Variants in FLNB observed in about 807,000 individuals in gnomAD.
FLNB encodes the protein filamin-B.
A neutral mutation model predicts 250.6 loss-of-function variants in FLNB; 111 were observed. The ratio of observed to expected loss-of-function variants is 0.44; its 90% CI spans 0.38 to 0.52. The LOEUF (loss-of-function observed/expected upper bound fraction) is 0.52, where lower values mean the gene tolerates loss of function less well. Among genes scored for constraint, FLNB ranks in the 20% least tolerant of loss-of-function variants. The pLI is 0.00. For synonymous variants in FLNB, 1,302 were observed against 1,372.1 expected (o/e 0.95, Z 1.13); for missense variants, 2,869 against 3,447.8 (o/e 0.83, Z 4.20).
At chr3:58,048,530 C>T (rs1298373520) in intron 1 of FLNB, among the ~76,000 whole-genome samples, 4 of 152,236 alleles carry the variant, frequency 2.6e-5, no homozygotes, top group African/African-American at 9.6e-5. Flanking sequence ...CACTGCCTCA[C>T]AGCACAGGCT....
At position 58,113,740 on chromosome 3, in the gene FLNB, A is replaced by G. The variant is rs991094933; in HGVS notation, c.2745+1422A>G. On this transcript the variant is annotated intron_variant, in intron 18 of 45. Coordinates refer to ENST00000295956, the MANE Select transcript of FLNB (RefSeq NM_001457.4). Reference sequence around the variant, plus strand: ...GTTGCCCAAGCTGGAGTGCAGTGGCATGATCTCAGCTCACTGCAACCTCTG... The same window carrying G: ...GTTGCCCAAGCTGGAGTGCAGTGGCGTGATCTCAGCTCACTGCAACCTCTG... Among the ~76,000 whole-genome samples the G allele has an allele frequency of 1.3e-5, 2 of 152,158 alleles. 1 individual carries two copies. Among genetic ancestry groups the G allele is most frequent in the Admixed American group, 1.3e-4 (2 of 15,282 alleles).
At chr3:58,063,465 C>G (rs1386449615) in intron 1 of FLNB, among the ~76,000 whole-genome samples, 1 of 152,090 alleles carries the variant, frequency 6.6e-6, no homozygotes, top group Non-Finnish European at 1.5e-5. Flanking sequence ...AAAGTTGAGC[C>G]GTCAGCTGAG....
At chr3:58,013,155 G>A (rs912194967) in intron 1 of FLNB, among the ~76,000 whole-genome samples, 7 of 152,218 alleles carry the variant, frequency 4.6e-5, no homozygotes, top group African/African-American at 9.7e-5. Flanking sequence ...GGGCAGTCCA[G>A]CCAGCTGGGA....
intron 27 of FLNB, 96 bp downstream of exon 27, chr3:58,134,868 T>G: frequency 8.8e-7 from 1 of 1,131,520 alleles, no homozygotes; most frequent in Admixed American, 1.9e-5. Context: ...GATTTCTGAC[T>G]CAATGCAAGT....
At chr3:58,139,063 G>A (rs896759422) in intron 29 of FLNB, among the ~76,000 whole-genome samples, 1 of 152,106 alleles carries the variant, frequency 6.6e-6, no homozygotes, top group South Asian at 2.1e-4. Context: ...AGGAACATCT[G>A]GAATAAAAGG....
intron 6 of FLNB, among the ~76,000 whole-genome samples, chr3:58,097,016 G>A (rs566441683): frequency 5.3e-5 from 8 of 152,242 alleles, no homozygotes; most frequent in Admixed American, 3.3e-4. Flanking sequence ...ACATCCAGGT[G>A]ACCTATAGGG....
chr3:58,118,163 C>A (rs1465038756), intron 18 of FLNB, among the ~76,000 whole-genome samples: 1 of 152,218 alleles, frequency 6.6e-6, no homozygotes, highest in East Asian at 1.9e-4. Context: ...TGCCACCCGG[C>A]CACCCGTGAG....
rs749828787 is a variant in FLNB, at chr3:58,149,902, G to A, written c.6144G>A (p.Gln2048=). The A allele has an allele frequency of 6.2e-7, 1 of 1,614,268 alleles. No homozygotes were observed. The highest frequency in any genetic ancestry group is 1.7e-5 in the Admixed American group (1 of 60,038). The stretch of plus-strand genomic sequence containing the variant: ...AAGGCCCCAGCAAAGTGGACATCCA[G>A]ACGGAGGACCTGGAAGATGGCACCT... ...AVEGPSKVDI[Q]TEDLEDGTCK... Residue 2048 remains glutamine (Q), a synonymous_variant, in exon 37 of 46, where the codon CAG becomes CAA. Coordinates refer to ENST00000295956, the MANE Select transcript of FLNB (RefSeq NM_001457.4).
chr3:58,099,045 G>A (rs1401033323), intron 8 of FLNB, 137 bp downstream of exon 8: 1 of 752,326 alleles, frequency 1.3e-6, no homozygotes, highest in Non-Finnish European at 2.4e-6. Context: ...TACTTCAGCA[G>A]TAAGTGGCTT....
At chr3:58,098,158 C>T (rs939807741) in intron 7 of FLNB, among the ~76,000 whole-genome samples, 181 bp downstream of exon 7, 3 of 152,222 alleles carry the variant, frequency 2.0e-5, no homozygotes, top group East Asian at 1.9e-4. Flanking sequence ...CTCTAAAATA[C>T]TCAGGCTTCA....
intron 2 of FLNB, chr3:58,078,345 G>A: frequency 6.8e-7 from 1 of 1,467,910 alleles, no homozygotes; most frequent in South Asian, 1.4e-5. Flanking sequence ...GAATCACACA[G>A]GATGCTATTC....
In FLNB at chr3:58,100,373, A is replaced by AAAATATATATATATATATATATATAT; in HGVS notation, c.1345+1466_1345+1467insAATATATATATATATATATATATATA. On this transcript the variant is annotated intron_variant, in intron 8 of 45. Coordinates refer to ENST00000295956, the MANE Select transcript of FLNB (RefSeq NM_001457.4). ...AATGATTTTACATATGTAAAAAAAAAATATATATATATTTGCAGGGGCGCG... is the reference window on the plus strand; with the variant it reads ...AATGATTTTACATATGTAAAAAAAAAAAATATATATATATATATATATATATATATATATATATTTGCAGGGGCGCG... Among the ~76,000 whole-genome samples the AAAATATATATATATATATATATATAT allele has an allele frequency of 4.4e-3, 463 of 104,286 alleles. 6 individuals carry two copies. Among genetic ancestry groups the AAAATATATATATATATATATATATAT allele is most frequent in the Middle Eastern group, 9.5e-3 (2 of 210 alleles). 68.4% of individuals were successfully genotyped at this position (104,286 alleles called of 152,430 possible).
At chr3:58,066,292 T>A (rs777366171) in intron 1 of FLNB, among the ~76,000 whole-genome samples, 1 of 151,242 alleles carries the variant, frequency 6.6e-6, no homozygotes, top group Non-Finnish European at 1.5e-5. Flanking sequence ...AAATCTCGGC[T>A]CACCACAACC....
At position 58,126,759 on chromosome 3, in the gene FLNB, C is replaced by G; in HGVS notation, c.4219C>G (p.Pro1407Ala). 6.2e-7 allele frequency: 1 copy of G among 1,613,426 alleles called. No homozygotes were observed. The highest frequency in any genetic ancestry group is 8.5e-7 in the Non-Finnish European group (1 of 1,179,516). Residue 1407 changes from proline to alanine, a missense_variant, in exon 24 of 46, where the codon CCC (proline) becomes GCC (alanine). By Grantham distance (27) the Pro-to-Ala change is conservative (BLOSUM62 -1). This residue lies in a region of FLNB where 1,348 missense variants were observed against 1,466.7 expected (regional missense o/e 0.92). Transcript: ENST00000295956. The part of the protein sequence containing the change: ...VNITYGGAHI[P>A]GSPFRVPVKD... ...TATCACATATGGAGGAGCCCACATC[C>G]CCGGTGAGCTATTCCTCAGAGAGGA...
intron 43 of FLNB, among the ~76,000 whole-genome samples, chr3:58,166,381 A>G (rs4299451): frequency 0.71 from 107,881 of 152,040 alleles, 39,286 homozygotes; most frequent in East Asian, 1. Context: ...TTTGAGGCCA[A>G]GAGTTTGAGA....
chr3:58,008,446 G>C lies in FLNB; in HGVS notation c.-119G>C. The stretch of plus-strand genomic sequence containing the variant: ...CAGAGCAGCACCGGCCGTGGCTCCG[G>C]TAGCAGCAAGTTCGAACCCCGCTCC... On this transcript the variant is annotated 5_prime_UTR_variant, in exon 1 of 46. Coordinates refer to ENST00000295956, the MANE Select transcript of FLNB (RefSeq NM_001457.4). The C allele has an allele frequency of 8.1e-7, 1 of 1,235,228 alleles. No individual in the cohort carries two copies. Among genetic ancestry groups the C allele is most frequent in the Non-Finnish European group, 1.2e-6 (1 of 869,514 alleles). 76.5% of individuals were successfully genotyped at this position (1,235,228 alleles called of 1,614,324 possible). A position where few individuals can be genotyped will look rare whatever the true frequency, so the allele number is the denominator to read the frequency against.
intron 3 of FLNB, among the ~76,000 whole-genome samples, chr3:58,079,628 T>C (rs779973708): frequency 3.9e-5 from 6 of 152,220 alleles, no homozygotes; most frequent in Non-Finnish European, 5.9e-5. Flanking sequence ...CTATCACCCA[T>C]AATCCTATCA....
chr3:58,111,963 C>G, intron 17 of FLNB, 82 bp downstream of exon 17: 1 of 1,279,156 alleles, frequency 7.8e-7, no homozygotes, highest in Non-Finnish European at 1.1e-6. Flanking sequence ...CCTTGAGGAA[C>G]TTCATCTCCA....
At position 58,125,743 on chromosome 3, in the gene FLNB, G is replaced by C. The variant is rs774841298; in HGVS notation, c.4061G>C (p.Arg1354Thr). 7 of 1,614,126 alleles carry C rather than the reference G, an allele frequency of 4.3e-6. No homozygotes were observed. The South Asian group carries it at 7.7e-5, about 18-fold the overall frequency. ...NKPNVFTVVT[R>T]GAGIGGLGIT... ...CCCAATGTCTTCACCGTGGTTACCA[G>C]GTAGGCAAGGCCCTACATTTGGTGT... The change falls in exon 23 of 46, where the codon AGA becomes ACA. Residue 1354 changes from arginine to threonine, a missense_variant and splice_region_variant. Physicochemically the swap from Arg to Thr is moderately conservative, Grantham distance 71. Coordinates refer to ENST00000295956, the MANE Select transcript of FLNB (RefSeq NM_001457.4).
Sources: allele counts gnomAD v4.1 joint callset (sites outside exome capture counted in the v4.1 genomes callset), GRCh38; gene constraint gnomAD v4.1.1; regional missense constraint gnomAD v4.1.1; transcripts MANE v1.5; gene names NCBI Gene and HGNC (gene_info 2026-07-23, HGNC 2026-07-21).